The following GALNT17 variants were observed in gnomAD, a reference collection of about 807,000 sequenced individuals.
GALNT17 encodes UDP-GalNAc:polypeptide N-acetylgalactosaminyltransferase-like 3.
In GALNT17, 29 loss-of-function variants were observed where a neutral mutation model predicts 63.7. That is an observed-to-expected ratio of 0.46 (90% confidence interval 0.34 to 0.62). The LOEUF is 0.62. GALNT17 is among the 20% of genes least tolerant of loss of function. GALNT17 has a pLI of 0.01. For synonymous variants in GALNT17, 305 were observed against 318.3 expected (o/e 0.96, Z 0.45); for missense variants, 603 against 799.6 (o/e 0.75, Z 2.97).
intron 10 of GALNT17, among the ~76,000 whole-genome samples, chr7:71,711,375 G>C (rs1791789445): frequency 6.7e-6 from 1 of 150,298 alleles, no homozygotes; most frequent in Admixed American, 6.7e-5. Context: ...AGAGTCCCCA[G>C]AGGAGGTCCT....
intron 1 of GALNT17, among the ~76,000 whole-genome samples, chr7:71,173,527 C>G (rs1038444301): frequency 1.3e-5 from 2 of 152,206 alleles, no homozygotes; most frequent in Non-Finnish European, 2.9e-5. Context: ...ATTCCCAGCA[C>G]TTTGGGAGGC....
intron 1 of GALNT17, among the ~76,000 whole-genome samples, chr7:71,331,740 A>G (rs1004967337): frequency 3.3e-5 from 5 of 152,112 alleles, no homozygotes; most frequent in Non-Finnish European, 7.3e-5. Context: ...ACGTTCCTAC[A>G]TTCTCAGACC....
At chr7:71,330,001 A>ATGTT (rs1791780280) in intron 1 of GALNT17, among the ~76,000 whole-genome samples, 1 of 22,750 alleles carries the variant, frequency 4.4e-5, no homozygotes, top group African/African-American at 2.0e-4. Flanking sequence ...ATATACATAT[A>ATGTT]TGTGTGTATA....
intron 1 of GALNT17, among the ~76,000 whole-genome samples, chr7:71,295,502 T>A (rs933495758): frequency 6.6e-6 from 1 of 151,898 alleles, no homozygotes; most frequent in Non-Finnish European, 1.5e-5. Context: ...CTCTTTCTTT[T>A]TTCCTTTCTT....
At chr7:71,539,383 A>AT (rs1220671669) in intron 5 of GALNT17, among the ~76,000 whole-genome samples, 1 of 152,180 alleles carries the variant, frequency 6.6e-6, no homozygotes, top group African/African-American at 2.4e-5. Context: ...AAAGGAACCT[A>AT]TTGAGAATTA....
At chr7:71,536,620 A>C (rs2116794260) in intron 5 of GALNT17, among the ~76,000 whole-genome samples, 1 of 152,300 alleles carries the variant, frequency 6.6e-6, no homozygotes, top group East Asian at 1.9e-4. Context: ...CACTACCATG[A>C]GAACAGTATG....
At chr7:71,218,469 G>T (rs1789526426) in intron 1 of GALNT17, among the ~76,000 whole-genome samples, 1 of 152,128 alleles carries the variant, frequency 6.6e-6, no homozygotes, top group Non-Finnish European at 1.5e-5. Context: ...TATGTTTCGT[G>T]TCCTGTTTCC....
chr7:71,597,315 A>G (rs992029240), intron 6 of GALNT17, among the ~76,000 whole-genome samples: 1 of 152,144 alleles, frequency 6.6e-6, no homozygotes, highest in African/African-American at 2.4e-5. Context: ...CCGGGATTAC[A>G]GGCGTGAGCC....
intron 1 of GALNT17, among the ~76,000 whole-genome samples, chr7:71,147,547 C>T (rs896202633): frequency 4.6e-5 from 7 of 152,188 alleles, no homozygotes; most frequent in African/African-American, 1.7e-4. Flanking sequence ...TAATATTTTG[C>T]ATCCTTCAAT....
chr7:71,240,809 C>T (rs146353457), intron 1 of GALNT17, among the ~76,000 whole-genome samples: 2,535 of 152,008 alleles, frequency 0.017, 75 homozygotes, highest in African/African-American at 0.056. Flanking sequence ...GGACTACAGG[C>T]GCCCGCCACC....
At chr7:71,437,370 A>G (rs950552033) in intron 5 of GALNT17, among the ~76,000 whole-genome samples, 3 of 152,220 alleles carry the variant, frequency 2.0e-5, no homozygotes, top group South Asian at 4.1e-4. Flanking sequence ...CTGAATCCCC[A>G]TATTTCTTTA....
At chr7:71,557,829 T>C (rs572217097) in intron 5 of GALNT17, among the ~76,000 whole-genome samples, 8 of 151,286 alleles carry the variant, frequency 5.3e-5, no homozygotes, top group African/African-American at 1.7e-4. Flanking sequence ...TCCCAGCACT[T>C]TGGGAGGCCA....
chr7:71,546,847 G>A (rs141784753), intron 5 of GALNT17, among the ~76,000 whole-genome samples: 3 of 152,234 alleles, frequency 2.0e-5, no homozygotes, highest in African/African-American at 4.8e-5. Flanking sequence ...CTGGGCAAGG[G>A]CACCATGGTT....
intron 2 of GALNT17, among the ~76,000 whole-genome samples, chr7:71,336,703 T>C (rs554386045): frequency 6.6e-6 from 1 of 152,208 alleles, no homozygotes; most frequent in East Asian, 1.9e-4. Flanking sequence ...TATTCCATGG[T>C]GTATATGTGC....
intron 9 of GALNT17, among the ~76,000 whole-genome samples, chr7:71,693,263 TACAC>T (rs761584365): frequency 0.044 from 4,777 of 108,718 alleles, 339 homozygotes; most frequent in African/African-American, 0.069. Context: ...CACACACACA[TACAC>T]ACACACACAC....
chr7:71,624,895 C>G (rs1239412646), intron 6 of GALNT17, among the ~76,000 whole-genome samples: 1 of 152,184 alleles, frequency 6.6e-6, no homozygotes, highest in Non-Finnish European at 1.5e-5. Context: ...CTGCTTCATA[C>G]ATTTCATTCA....
chr7:71,297,849 C>T (rs779126015), intron 1 of GALNT17, among the ~76,000 whole-genome samples: 3 of 152,156 alleles, frequency 2.0e-5, no homozygotes, highest in Non-Finnish European at 1.5e-5. Flanking sequence ...GTACCTACTG[C>T]ATGATTCCAC....
rs143762484 is a variant in GALNT17, at chr7:71,528,901, G to T, written c.963-42384G>T. 4.6e-3 allele frequency among the ~76,000 whole-genome samples: 707 copies of T among 152,256 alleles called. 13 individuals are homozygous for T. The highest frequency in any genetic ancestry group is 0.016 in the African/African-American group (676 of 41,544). ...TGTAATCCCAGCACTTCGGGAGGCC[G>T]AGGAGGGAAGATCACCTGAGGTCAG... On this transcript the variant is annotated intron_variant, in intron 5 of 10. Coordinates refer to ENST00000333538, the MANE Select transcript of GALNT17 (RefSeq NM_022479.3).
chr7:71,393,890 G>A (rs2116362527), intron 3 of GALNT17, among the ~76,000 whole-genome samples: 1 of 152,270 alleles, frequency 6.6e-6, no homozygotes, highest in African/African-American at 2.4e-5. Context: ...CGAGCATTTT[G>A]CTGCCCAGAT....
Sources: allele counts gnomAD v4.1 joint callset (sites outside exome capture counted in the v4.1 genomes callset), GRCh38; gene constraint gnomAD v4.1.1; transcripts MANE v1.5; gene names NCBI Gene and HGNC (gene_info 2026-07-23, HGNC 2026-07-21).